CCSER1: variants seen among roughly 807,000 people sequenced by gnomAD.
CCSER1 encodes coiled-coil serine rich protein 1.
A neutral mutation model predicts 82.0 loss-of-function variants in CCSER1; 41 were observed. The observed-to-expected ratio is 0.50, with a 90% CI of 0.39 to 0.65. CCSER1 has a LOEUF of 0.65. Among genes scored for constraint, CCSER1 ranks in the 30% least tolerant of loss-of-function variants. The probability of loss-of-function intolerance (pLI) is 0.00; values close to 1 mark genes in which losing one functional copy is unlikely to be tolerated. For synonymous variants in CCSER1, 414 were observed against 383.9 expected, an observed-to-expected ratio of 1.08 and a Z score of -0.92; for missense variants, 1,119 against 1,064.2, an observed-to-expected ratio of 1.05 and a Z score of -0.72.
At chr4:91,186,580 C>T (rs979206577) in intron 10 of CCSER1, among the ~76,000 whole-genome samples, 1 of 152,188 alleles carries the variant, frequency 6.6e-6, no homozygotes, top group African/African-American at 2.4e-5. Context: ...GACACACACA[C>T]AGAAATATAG....
At chr4:90,736,914 C>A (rs1328629126) in intron 7 of CCSER1, among the ~76,000 whole-genome samples, 1 of 151,886 alleles carries the variant, frequency 6.6e-6, no homozygotes, top group Non-Finnish European at 1.5e-5. Context: ...ACTTATAACC[C>A]ATTTTTTTAA....
At chr4:91,029,544 A>C (rs1327883348) in intron 9 of CCSER1, among the ~76,000 whole-genome samples, 3 of 152,000 alleles carry the variant, frequency 2.0e-5, no homozygotes, top group Admixed American at 6.6e-5. Flanking sequence ...CATTTTAAAA[A>C]CGGGTGTGTC....
chr4:90,877,625 A>C (rs945556109), intron 8 of CCSER1, among the ~76,000 whole-genome samples: 3 of 151,408 alleles, frequency 2.0e-5, no homozygotes, highest in African/African-American at 2.4e-5. Flanking sequence ...AATAAAAACA[A>C]ATCTATTTTC....
intron 1 of CCSER1, among the ~76,000 whole-genome samples, chr4:90,231,135 A>G (rs979688944): frequency 6.4e-4 from 98 of 152,232 alleles, no homozygotes; most frequent in Non-Finnish European, 1.3e-3. Flanking sequence ...GGCCAGCATC[A>G]TCCTGATAGC....
chr4:91,276,936 T>C (rs1375807957), intron 10 of CCSER1, among the ~76,000 whole-genome samples: 1 of 152,108 alleles, frequency 6.6e-6, no homozygotes, highest in African/African-American at 2.4e-5. Flanking sequence ...CTTCATACTG[T>C]TGAGGTGATA....
intron 10 of CCSER1, among the ~76,000 whole-genome samples, chr4:91,170,922 C>A (rs1732681695): frequency 6.6e-6 from 1 of 152,184 alleles, no homozygotes; most frequent in African/African-American, 2.4e-5. Flanking sequence ...CACAACCCAG[C>A]CTCAGCACCC....
chr4:91,252,197 A>G (rs1313230852), intron 10 of CCSER1, among the ~76,000 whole-genome samples: 1 of 152,194 alleles, frequency 6.6e-6, no homozygotes, highest in Non-Finnish European at 1.5e-5. Flanking sequence ...GAAAGGAAAA[A>G]AAAATTGTTG....
In CCSER1 at chr4:91,522,694, G is replaced by A. The variant is rs939907973; in HGVS notation, c.2218-75878G>A. Among the ~76,000 whole-genome samples the A allele has an allele frequency of 2.0e-5, 3 of 152,224 alleles. No homozygotes were observed. The East Asian group carries it at 5.8e-4, about 29-fold the overall frequency. ...CTGTTTGTCTGTTATTGGTGTATAG[G>A]AATGCTTGTCATTTTTGCACATTGA... On this transcript the variant is annotated intron_variant, in intron 10 of 10. Transcript: ENST00000509176.
At chr4:90,355,334 A>G (rs1579354354) in intron 3 of CCSER1, among the ~76,000 whole-genome samples, 1 of 152,040 alleles carries the variant, frequency 6.6e-6, no homozygotes, top group East Asian at 1.9e-4. Context: ...AGAAAGAAAG[A>G]AACAGTATTT....
At chr4:91,464,165 ACT>A (rs1213091396) in intron 10 of CCSER1, among the ~76,000 whole-genome samples, 5 of 151,908 alleles carry the variant, frequency 3.3e-5, no homozygotes, top group African/African-American at 1.2e-4. Flanking sequence ...CTCAGCAGAA[ACT>A]CTACAAGCCA....
At chr4:91,137,758 T>A (rs1334899245) in intron 10 of CCSER1, among the ~76,000 whole-genome samples, 1 of 152,076 alleles carries the variant, frequency 6.6e-6, no homozygotes, top group East Asian at 1.9e-4. Context: ...AAAATCAATG[T>A]ACAAAAATCA....
intron 9 of CCSER1, among the ~76,000 whole-genome samples, chr4:91,039,099 G>T (rs1421533188): frequency 6.6e-6 from 1 of 152,086 alleles, no homozygotes; most frequent in East Asian, 1.9e-4. Flanking sequence ...CACAATCATA[G>T]CTCACTGCAG....
intron 3 of CCSER1, among the ~76,000 whole-genome samples, chr4:90,325,110 C>A (rs1379637690): frequency 6.6e-6 from 1 of 152,146 alleles, no homozygotes; most frequent in Non-Finnish European, 1.5e-5. Context: ...GCTCACCTGA[C>A]TTTTGGTTCT....
intron 9 of CCSER1, among the ~76,000 whole-genome samples, chr4:90,939,552 G>A (rs1414499162): frequency 6.6e-6 from 1 of 152,104 alleles, no homozygotes; most frequent in Non-Finnish European, 1.5e-5. Flanking sequence ...CAAAAGAATG[G>A]CTCAATGTTG....
intron 10 of CCSER1, among the ~76,000 whole-genome samples, chr4:91,101,708 T>C (rs1725079584): frequency 6.6e-6 from 1 of 151,038 alleles, no homozygotes; most frequent in Non-Finnish European, 1.5e-5. Flanking sequence ...GTGGAACAAA[T>C]GAAGACAAGA....
chr4:90,800,790 G>A (rs1432304397), intron 7 of CCSER1, among the ~76,000 whole-genome samples: 1 of 152,092 alleles, frequency 6.6e-6, no homozygotes, highest in African/African-American at 2.4e-5. Context: ...ATGACCCTGG[G>A]AAATTTGGTT....
chr4:90,337,529 C>A (rs1740632487), intron 3 of CCSER1, among the ~76,000 whole-genome samples: 1 of 152,048 alleles, frequency 6.6e-6, no homozygotes, highest in Non-Finnish European at 1.5e-5. Flanking sequence ...TAAAGTTAGA[C>A]ATTATTATTT....
At chr4:90,592,569 A>C (rs1314438313) in intron 5 of CCSER1, among the ~76,000 whole-genome samples, 2 of 152,160 alleles carry the variant, frequency 1.3e-5, no homozygotes, top group Non-Finnish European at 2.9e-5. Flanking sequence ...ATAAACTTGT[A>C]TATTATTTTA....
chr4:90,793,762 T>A (rs1329480366), intron 7 of CCSER1, among the ~76,000 whole-genome samples: 3 of 152,208 alleles, frequency 2.0e-5, no homozygotes, highest in African/African-American at 7.2e-5. Flanking sequence ...TCCACAATGG[T>A]TGAACTAATT....
Sources: allele counts gnomAD v4.1 joint callset (sites outside exome capture counted in the v4.1 genomes callset), GRCh38; gene constraint gnomAD v4.1.1; transcripts MANE v1.5; gene names NCBI Gene and HGNC (gene_info 2026-07-23, HGNC 2026-07-21).